The following SCP2 variants were observed in gnomAD, a reference collection of about 807,000 sequenced individuals.
SCP2 encodes the protein sterol carrier protein 2.
Under a neutral mutation model 71.4 loss-of-function variants are expected in SCP2, and 48 were observed. The observed-to-expected ratio is 0.67, with a 90% CI of 0.53 to 0.86. The LOEUF (loss-of-function observed/expected upper bound fraction) is 0.86. SCP2 is among the 40% of genes least tolerant of loss of function. The pLI is 0.00. For synonymous variants in SCP2, 220 were observed against 218.1 expected (o/e 1.01, Z -0.08); for missense variants, 560 against 655.6 (o/e 0.85, Z 1.59).
rs373869717 is a variant in SCP2 at position 53,026,472 on chromosome 1, T to C, written c.1236-1497T>C. Among the ~76,000 whole-genome samples the C allele has an allele frequency of 1.8e-3, 270 of 152,324 alleles. 8 individuals are homozygous for C. The South Asian group carries it at 0.055, about 31-fold the overall frequency. ...TGTTCACTATCATATCCCCAGTGTT[T>C]TGAAATGTCTTGCTTGGCATGTAGC... is the stretch of plus-strand genomic sequence containing the variant. On this transcript the variant is annotated intron_variant, in intron 12 of 15. Transcript: ENST00000371514.
At chr1:52,951,982 G>T (rs143733310) in intron 4 of SCP2, among the ~76,000 whole-genome samples, 1 of 152,230 alleles carries the variant, frequency 6.6e-6, no homozygotes, top group East Asian at 1.9e-4. Flanking sequence ...GCCTCACAAA[G>T]TGCTGGGATT....
chr1:53,011,571 A>G (rs1026986106), intron 11 of SCP2, among the ~76,000 whole-genome samples: 1 of 152,198 alleles, frequency 6.6e-6, no homozygotes, highest in African/African-American at 2.4e-5. Flanking sequence ...TTGTTAGGAA[A>G]TGTTTGCAGC....
intron 2 of SCP2, chr1:52,943,797 T>A (rs1048561609): frequency 2.4e-5 from 11 of 459,050 alleles, no homozygotes; most frequent in South Asian, 1.1e-4. Flanking sequence ...AGTGCCACAG[T>A]ACCAGGCCTG....
chr1:53,025,435 C>G (rs192887354), intron 12 of SCP2, among the ~76,000 whole-genome samples: 14 of 152,316 alleles, frequency 9.2e-5, no homozygotes, highest in Non-Finnish European at 1.3e-4. Flanking sequence ...GCTCCAGACT[C>G]TCATATCCAT....
chr1:53,051,486 C>G lies in SCP2; in HGVS notation c.*782C>G, dbSNP rs2150283312. On this transcript the variant is annotated 3_prime_UTR_variant, in exon 16 of 16. Transcript: ENST00000371514. ...TCCTTTTTCATGTAAGTTTAATTAT[C>G]TGCATTTATCTTTTTTCCTAGTTTT... The G allele has an allele frequency of 6.6e-6, 1 of 152,090 alleles. No individual in the cohort carries two copies. The highest frequency in any genetic ancestry group is 1.9e-4 in the East Asian group (1 of 5,198). 9.4% of individuals were successfully genotyped at this position (152,090 alleles called of 1,614,324 possible).
At chr1:52,979,939 C>T (rs1298954270) in intron 9 of SCP2, among the ~76,000 whole-genome samples, 1 of 143,944 alleles carries the variant, frequency 6.9e-6, no homozygotes, top group African/African-American at 2.5e-5. Context: ...TCCCTTTCCT[C>T]TCTTTCTTTC....
At chr1:52,998,274 C>A (rs1660069668) in intron 11 of SCP2, among the ~76,000 whole-genome samples, 1 of 152,086 alleles carries the variant, frequency 6.6e-6, no homozygotes. Flanking sequence ...AGCAAAATTT[C>A]TGGGTCATAG....
intron 11 of SCP2, among the ~76,000 whole-genome samples, chr1:53,005,449 A>G (rs1046295427): frequency 6.6e-6 from 1 of 152,154 alleles, no homozygotes; most frequent in African/African-American, 2.4e-5. Flanking sequence ...AGGCAGCAAC[A>G]TTTGCTGTTC....
chr1:52,970,154 T>G (rs1232360816), intron 6 of SCP2, among the ~76,000 whole-genome samples: 1 of 152,204 alleles, frequency 6.6e-6, no homozygotes, highest in Non-Finnish European at 1.5e-5. Flanking sequence ...AATTTCCAGG[T>G]GGACTTTTAA....
rs183236701 is a variant in SCP2, at chr1:52,946,060, C to T, written c.128-1949C>T. ...CCTCCTACCTCAGCCTCCCAAGTAG[C>T]TGGGACCACAGACGCACACCACCAC... On this transcript the variant is annotated intron_variant, in intron 2 of 15. Transcript: ENST00000371514. Among the ~76,000 whole-genome samples the T allele has an allele frequency of 1.2e-3, 187 of 151,548 alleles. 1 individual carries two copies. Among genetic ancestry groups the T allele is most frequent in the African/African-American group, 4.0e-3 (165 of 41,248 alleles).
At chr1:53,009,841 A>G (rs1660872973) in intron 11 of SCP2, among the ~76,000 whole-genome samples, 1 of 152,232 alleles carries the variant, frequency 6.6e-6, no homozygotes. Flanking sequence ...TACACAGGCA[A>G]CCTACAGAAT....
intron 11 of SCP2, among the ~76,000 whole-genome samples, chr1:52,998,057 A>G (rs1356705742): frequency 6.6e-6 from 1 of 152,242 alleles, no homozygotes; most frequent in Non-Finnish European, 1.5e-5. Flanking sequence ...TAAAATTAAT[A>G]CAAGTTTTTC....
intron 11 of SCP2, chr1:52,994,745 T>G (rs1035465645): frequency 2.6e-5 from 18 of 702,754 alleles, no homozygotes; most frequent in South Asian, 1.7e-4. Context: ...ATCGTGCACA[T>G]CCAGGCCTGT....
At chr1:52,996,073 T>C (rs1659913886) in intron 11 of SCP2, 1 of 934,384 alleles carries the variant, frequency 1.1e-6, no homozygotes, top group South Asian at 4.2e-5. Context: ...TTAGCCATCT[T>C]ACTCACCTGC....
chr1:52,999,815 G>GTTTTTTTTTGT (rs768414144), intron 11 of SCP2, among the ~76,000 whole-genome samples: 2 of 109,420 alleles, frequency 1.8e-5, no homozygotes, highest in African/African-American at 7.3e-5. Context: ...CTGAACACTT[G>GTTTTTTTTTGT]TTTTTTTTTT....
intron 14 of SCP2, among the ~76,000 whole-genome samples, chr1:53,039,697 T>C (rs1663284551): frequency 6.6e-6 from 1 of 152,242 alleles, no homozygotes; most frequent in Non-Finnish European, 1.5e-5. Context: ...TTTCTTTTTG[T>C]CTTCAAATTT....
chr1:52,988,160 ACATTTTAAAAT>A, intron 11 of SCP2, 24 bp downstream of exon 11: 1 of 1,166,344 alleles, frequency 8.6e-7, no homozygotes, highest in Non-Finnish European at 1.3e-6. Flanking sequence ...CAGATTTCAT[ACATTTTAAAAT>A]CATTTTTTCC....
At chr1:52,971,787 G>C (rs1156738290) in intron 6 of SCP2, among the ~76,000 whole-genome samples, 1 of 152,150 alleles carries the variant, frequency 6.6e-6, no homozygotes, top group East Asian at 1.9e-4. Context: ...TTCTGGAATG[G>C]GGGTCTTATG....
intron 13 of SCP2, among the ~76,000 whole-genome samples, chr1:53,031,796 A>C (rs569912425): frequency 1.3e-5 from 2 of 152,358 alleles, no homozygotes; most frequent in South Asian, 4.1e-4. Flanking sequence ...GAAAAGTAGC[A>C]GCAAGTGCAG....
Sources: gnomAD v4.1 joint callset for allele counts (sites outside exome capture counted in the v4.1 genomes callset) on GRCh38, gnomAD v4.1.1 for gene constraint, MANE v1.5 for transcripts, NCBI Gene and HGNC (gene_info 2026-07-23, HGNC 2026-07-21) for gene names.